EIF2S2: variants seen among roughly 807,000 people sequenced by gnomAD.
EIF2S2 encodes eukaryotic translation initiation factor 2 subunit beta.
EIF2S2 carries 4 observed loss-of-function variants against 44.0 expected under a neutral mutation model. The ratio of observed to expected loss-of-function variants is 0.09; its 90% CI spans 0.04 to 0.21. EIF2S2 has a LOEUF of 0.21. Ranked by LOEUF, EIF2S2 falls within the 10% of genes least tolerant of loss-of-function variation. The probability of loss-of-function intolerance (pLI) is 1.00; values close to 1 mark genes in which losing one functional copy is unlikely to be tolerated. For synonymous variants in EIF2S2, 108 were observed against 128.3 expected (o/e 0.84, Z 1.07); for missense variants, 154 against 392.0 (o/e 0.39, Z 5.13).
intron 1 of EIF2S2, among the ~76,000 whole-genome samples, chr20:34,111,341 T>A (rs1323268020): frequency 6.6e-6 from 1 of 152,212 alleles, no homozygotes. Context: ...AACTTCATTT[T>A]AAGTCGTTAG....
rs890736674 is a variant in EIF2S2, at chr20:34,089,473, T to C, written c.*257A>G. 1 of 426,042 alleles carries C rather than the reference T, an allele frequency of 2.3e-6. No homozygotes were observed. Among genetic ancestry groups the C allele is most frequent in the Non-Finnish European group, 4.1e-6 (1 of 243,022 alleles). The allele number at this position is 426,042 out of a possible 1,614,324, so 26.4% of individuals were successfully genotyped here. ...ATAATAACTTTAATTTATCTTGCAT[T>C]TTACAGAAGTCTATGAACGATTTTA... On this transcript the variant is annotated 3_prime_UTR_variant, in exon 9 of 9. Transcript: ENST00000374980.
chr20:34,092,615 C>A (rs931303480), intron 7 of EIF2S2, among the ~76,000 whole-genome samples: 3 of 152,088 alleles, frequency 2.0e-5, no homozygotes, highest in African/African-American at 7.2e-5. Flanking sequence ...TGCAGTGAGC[C>A]GAGACTGTGC....
intron 3 of EIF2S2, among the ~76,000 whole-genome samples, chr20:34,100,207 G>A (rs778081515): frequency 3.3e-5 from 5 of 152,116 alleles, no homozygotes; most frequent in Non-Finnish European, 5.9e-5. Flanking sequence ...TAGAAACGGG[G>A]TTTTACCATA....
chr20:34,089,554 A>G lies in EIF2S2; in HGVS notation c.*176T>C, dbSNP rs1028042635. On this transcript the variant is annotated 3_prime_UTR_variant, in exon 9 of 9. Coordinates refer to ENST00000374980, the MANE Select transcript of EIF2S2 (RefSeq NM_003908.5). ...TCTCTGACAGGTGTTAAAGTAGGCA[A>G]TGAGTATGTCAACAGCTTGAGCATC... 7 of 597,968 alleles carry G rather than the reference A, an allele frequency of 1.2e-5. No homozygotes were observed. In the Admixed American group the frequency reaches 2.1e-4, roughly 18 times the overall value. The allele number at this position is 597,968 out of a possible 1,614,324, so 37.0% of individuals were successfully genotyped here. A position where few individuals can be genotyped will look rare whatever the true frequency, so the allele number is the denominator to read the frequency against.
intron 1 of EIF2S2, 121 bp from the exon 2 acceptor site, chr20:34,105,666 C>T: frequency 1.1e-6 from 1 of 944,048 alleles, no homozygotes; most frequent in Admixed American, 3.4e-5. Context: ...CATTAAAACA[C>T]CAAAGGGGAG....
At chr20:34,098,446 GGGCCAAA>G (rs1268471749) in intron 4 of EIF2S2, 45 bp downstream of exon 4, 1 of 1,601,926 alleles carries the variant, frequency 6.2e-7, no homozygotes, top group Non-Finnish European at 8.5e-7. Context: ...AAGGAGACCA[GGGCCAAA>G]GGCTTGAGTA....
At chr20:34,093,752 T>C (rs1176016044) in intron 6 of EIF2S2, 21 bp from the exon 7 acceptor site, 1 of 1,580,170 alleles carries the variant, frequency 6.3e-7, no homozygotes, top group African/African-American at 1.4e-5. Context: ...AATCAAAATA[T>C]ATAAACCTTA....
chr20:34,091,520 A>G (rs2034162293), intron 7 of EIF2S2, among the ~76,000 whole-genome samples: 1 of 152,030 alleles, frequency 6.6e-6, no homozygotes, highest in Non-Finnish European at 1.5e-5. Context: ...GTTCGAGACC[A>G]GCCTGACCAA....
At chr20:34,091,718 C>CAA (rs10714767) in intron 7 of EIF2S2, among the ~76,000 whole-genome samples, 1 of 102,852 alleles carries the variant, frequency 9.7e-6, no homozygotes, top group Non-Finnish European at 1.9e-5. Flanking sequence ...AACTCCATCT[C>CAA]AAAAAAAAAA....
chr20:34,111,319 G>C (rs1416040310), intron 1 of EIF2S2, among the ~76,000 whole-genome samples: 2 of 152,188 alleles, frequency 1.3e-5, no homozygotes, highest in Non-Finnish European at 2.9e-5. Context: ...CCTACTGGGA[G>C]TACTTAACAT....
intron 6 of EIF2S2, among the ~76,000 whole-genome samples, chr20:34,094,707 C>CA (rs11474896): frequency 5.1e-4 from 73 of 144,516 alleles, no homozygotes; most frequent in Middle Eastern, 3.6e-3. Flanking sequence ...TCTCAATATA[C>CA]AAAAAAAAAA....
intron 5 of EIF2S2, among the ~76,000 whole-genome samples, chr20:34,097,184 C>CA (rs1359792567): frequency 6.6e-6 from 1 of 152,244 alleles, no homozygotes; most frequent in Non-Finnish European, 1.5e-5. Context: ...ATGCCCTCAG[C>CA]AGTCCACAAA....
intron 1 of EIF2S2, 131 bp from the exon 2 acceptor site, chr20:34,105,676 G>T: frequency 1.2e-6 from 1 of 833,942 alleles, no homozygotes; most frequent in Non-Finnish European, 1.7e-6. Flanking sequence ...CCAAAGGGGA[G>T]TTTACCAAAA....
intron 6 of EIF2S2, among the ~76,000 whole-genome samples, chr20:34,096,213 T>A (rs1442270985): frequency 6.6e-6 from 1 of 151,972 alleles, no homozygotes; most frequent in Non-Finnish European, 1.5e-5. Flanking sequence ...TGGGTCAGCA[T>A]GAGTTGATTT....
At position 34,089,999 on chromosome 20, in the gene EIF2S2, G is replaced by T. The variant is rs982633648; in HGVS notation, c.827-94C>A. ...AATACATCTACAAAGAACTCCACAAGCCCAGGCTGAGAATTTAGCTGGGCA... is the reference window on the plus strand; with the variant it reads ...AATACATCTACAAAGAACTCCACAATCCCAGGCTGAGAATTTAGCTGGGCA... On this transcript the variant is annotated intron_variant, in intron 8 of 8. Transcript: ENST00000374980. 13 of 1,388,412 alleles carry T rather than the reference G, an allele frequency of 9.4e-6. No individual in the cohort carries two copies. In the African/African-American group the frequency reaches 1.9e-4, roughly 20 times the overall value. The allele number at this position is 1,388,412 out of a possible 1,614,324, so 86.0% of individuals were successfully genotyped here.
intron 2 of EIF2S2, 40 bp downstream of exon 2, chr20:34,105,328 C>T (rs2034336221): frequency 3.8e-6 from 6 of 1,590,318 alleles, no homozygotes; most frequent in Admixed American, 1.8e-5. Flanking sequence ...AGAACCAGGG[C>T]TTCTATGACA....
Position 34,096,830 on chromosome 20 carries a change from G to C in EIF2S2, c.535-25C>G, listed in dbSNP as rs370096831. The C allele has an allele frequency of 4.0e-4, 633 of 1,596,682 alleles. 1 individual carries two copies. Among genetic ancestry groups the C allele is most frequent in the Non-Finnish European group, 5.2e-4 (613 of 1,173,802 alleles). ...GCTATAAAAATAAAGTGGTATTCAT[G>C]AATACGCTTAGTAACTGCAGGGGTA... is the stretch of plus-strand genomic sequence containing the variant. On this transcript the variant is annotated intron_variant, in intron 5 of 8. Coordinates refer to ENST00000374980, the MANE Select transcript of EIF2S2 (RefSeq NM_003908.5).
chr20:34,105,341 AGT>A, intron 2 of EIF2S2, 25 bp downstream of exon 2: 6 of 1,603,540 alleles, frequency 3.7e-6, no homozygotes, highest in Non-Finnish European at 5.1e-6. Context: ...CTATGACAAC[AGT>A]AACTCTCTCA....
chr20:34,098,115 G>A (rs2034252271), intron 4 of EIF2S2, among the ~76,000 whole-genome samples: 3 of 151,892 alleles, frequency 2.0e-5, no homozygotes, highest in South Asian at 4.2e-4. Flanking sequence ...GAGTGGTGGC[G>A]AATGCCTGTA....
Sources: gnomAD v4.1 joint callset for allele counts (sites outside exome capture counted in the v4.1 genomes callset) on GRCh38, gnomAD v4.1.1 for gene constraint, MANE v1.5 for transcripts, NCBI Gene and HGNC (gene_info 2026-07-23, HGNC 2026-07-21) for gene names.